The following CYRIB variants were observed in gnomAD, a reference collection of about 807,000 sequenced individuals.
CYRIB encodes the protein CYFIP-related Rac1 interactor B.
A neutral mutation model predicts 44.2 loss-of-function variants in CYRIB; 8 were observed. The observed-to-expected ratio is 0.18, with a 90% CI of 0.11 to 0.33. The LOEUF is 0.33. CYRIB is among the 10% of genes least tolerant of loss of function. The probability of loss-of-function intolerance (pLI) is 1.00; values close to 1 mark genes in which losing one functional copy is unlikely to be tolerated. For synonymous variants in CYRIB, 131 were observed against 127.2 expected, an observed-to-expected ratio of 1.03 and a Z score of -0.20; for missense variants, 185 against 382.8, an observed-to-expected ratio of 0.48 and a Z score of 4.31.
At chr8:129,991,476 C>G (rs1250954112) in intron 1 of CYRIB, among the ~76,000 whole-genome samples, 1 of 151,986 alleles carries the variant, frequency 6.6e-6, no homozygotes, top group East Asian at 1.9e-4. Flanking sequence ...CATGGGAGGA[C>G]AACTGGTGGC....
intron 4 of CYRIB, 137 bp from the exon 7 acceptor site, chr8:129,862,471 T>G: frequency 1.4e-6 from 1 of 733,802 alleles, no homozygotes; most frequent in Non-Finnish European, 2.2e-6. Flanking sequence ...TCTAGGAGTG[T>G]TGAATATTTT....
At chr8:129,901,327 A>G (rs962864864) in intron 2 of CYRIB, among the ~76,000 whole-genome samples, 4 of 151,810 alleles carry the variant, frequency 2.6e-5, no homozygotes, top group Non-Finnish European at 4.4e-5. Context: ...AGTGATTCTC[A>G]TGCCTCAGCC....
chr8:129,892,063 G>A (rs2065666274), intron 2 of CYRIB, among the ~76,000 whole-genome samples: 1 of 152,090 alleles, frequency 6.6e-6, no homozygotes, highest in South Asian at 2.1e-4. Flanking sequence ...CTCTATTACA[G>A]GAGGTAGGAA....
chr8:129,930,072 G>C (rs192066096), intron 1 of CYRIB, among the ~76,000 whole-genome samples: 4 of 151,744 alleles, frequency 2.6e-5, no homozygotes, highest in African/African-American at 9.7e-5. Context: ...TTCGCCGGGC[G>C]TGGTGGCGCA....
upstream of CYRIB, among the ~76,000 whole-genome samples, chr8:129,944,428 G>T (rs547076901): frequency 1.3e-5 from 2 of 152,154 alleles, no homozygotes; most frequent in African/African-American, 4.8e-5. Context: ...GTGACACCAC[G>T]TGATATCAAT....
intron 2 of CYRIB, among the ~76,000 whole-genome samples, chr8:129,945,825 T>A (rs2094105381): frequency 6.6e-6 from 1 of 152,144 alleles, no homozygotes; most frequent in African/African-American, 2.4e-5. Flanking sequence ...CTGCCCACCT[T>A]GGCCTCCCAA....
chr8:130,003,136 T>C (rs532687082), intron 1 of CYRIB, among the ~76,000 whole-genome samples: 15 of 152,154 alleles, frequency 9.9e-5, no homozygotes, highest in Non-Finnish European at 2.2e-4. Flanking sequence ...GGTGGGAGGA[T>C]TGCTTGAACC....
At chr8:129,902,288 G>T (rs944225695) in intron 2 of CYRIB, among the ~76,000 whole-genome samples, 2 of 152,058 alleles carry the variant, frequency 1.3e-5, no homozygotes, top group Admixed American at 6.6e-5. Context: ...GCGTGATCTT[G>T]GCTCACTGCA....
chr8:129,875,072 C>A (rs565180538), intron 3 of CYRIB, among the ~76,000 whole-genome samples: 5 of 152,138 alleles, frequency 3.3e-5, no homozygotes, highest in Non-Finnish European at 7.4e-5. Context: ...TTAAAAAGCA[C>A]TATGCTAAGA....
intron 2 of CYRIB, among the ~76,000 whole-genome samples, chr8:129,882,340 A>G (rs1444464914): frequency 1.3e-5 from 2 of 152,194 alleles, no homozygotes; most frequent in Non-Finnish European, 2.9e-5. Flanking sequence ...AAATATCTTA[A>G]ATTCCTATTA....
chr8:129,902,419 C>T (rs2072689691), intron 2 of CYRIB, among the ~76,000 whole-genome samples: 1 of 152,100 alleles, frequency 6.6e-6, no homozygotes, highest in African/African-American at 2.4e-5. Flanking sequence ...GGGGTTTCAC[C>T]ATGTTGGCCA....
chr8:129,922,609 A>T (rs1169377504), intron 1 of CYRIB, among the ~76,000 whole-genome samples: 3 of 152,138 alleles, frequency 2.0e-5, no homozygotes, highest in Non-Finnish European at 2.9e-5. Flanking sequence ...CACGCCTGTA[A>T]TCCCAGCACT....
At chr8:129,905,648 C>T (rs1183316402) in intron 1 of CYRIB, among the ~76,000 whole-genome samples, 4 of 152,110 alleles carry the variant, frequency 2.6e-5, no homozygotes, top group Non-Finnish European at 4.4e-5. Flanking sequence ...GATAAAACTT[C>T]CTTCCCTAAG....
chr8:130,006,607 C>CACATATATATGTATATATATATAT (rs1359122569), intron 1 of CYRIB, among the ~76,000 whole-genome samples: 11 of 7,118 alleles, frequency 1.5e-3, no homozygotes, highest in Non-Finnish European at 2.7e-3. Flanking sequence ...TATATATATA[C>CACATATATATGTATATATATATAT]ATATATATGT....
At chr8:129,991,141 A>G (rs1237277091) in intron 1 of CYRIB, among the ~76,000 whole-genome samples, 2 of 151,592 alleles carry the variant, frequency 1.3e-5, no homozygotes, top group East Asian at 1.9e-4. Flanking sequence ...CAGAAAAAAA[A>G]AAAAAAAAAA....
At chr8:129,870,461 A>G (rs2056695353) in intron 4 of CYRIB, among the ~76,000 whole-genome samples, 1 of 152,216 alleles carries the variant, frequency 6.6e-6, no homozygotes, top group African/African-American at 2.4e-5. Context: ...CCCTTGCCCT[A>G]AACATTTGGT....
intron 3 of CYRIB, among the ~76,000 whole-genome samples, chr8:129,876,545 G>A (rs1332498833): frequency 6.6e-6 from 1 of 152,120 alleles, no homozygotes; most frequent in Non-Finnish European, 1.5e-5. Flanking sequence ...ACAGTTACAG[G>A]GGTCATGAGA....
chr8:130,005,157 GACTTCTGA>G (rs1564785243), intron 1 of CYRIB, among the ~76,000 whole-genome samples: 1 of 151,862 alleles, frequency 6.6e-6, no homozygotes, highest in Non-Finnish European at 1.5e-5. Context: ...CTATTGTGCT[GACTTCTGA>G]ACTTCACCAT....
intron 6 of CYRIB, among the ~76,000 whole-genome samples, chr8:129,854,809 C>T (rs940268213): frequency 2.0e-5 from 3 of 152,172 alleles, no homozygotes; most frequent in African/African-American, 4.8e-5. Context: ...AATCAAAGGA[C>T]GTGCCCAACG....
Sources: gnomAD v4.1 joint callset for allele counts (sites outside exome capture counted in the v4.1 genomes callset) on GRCh38, gnomAD v4.1.1 for gene constraint, MANE v1.5 for transcripts, NCBI Gene and HGNC (gene_info 2026-07-23, HGNC 2026-07-21) for gene names.